Variants in SFSWAP observed in about 807,000 individuals in gnomAD.
The protein encoded by SFSWAP is splicing factor SWAP, also known as splicing factor, suppressor of white-apricot homolog.
Under a neutral mutation model 100.7 loss-of-function variants are expected in SFSWAP, and 17 were observed. The observed-to-expected ratio is 0.17, with a 90% CI of 0.12 to 0.25. The LOEUF is 0.25. SFSWAP is among the 10% of genes least tolerant of loss of function. The pLI is 1.00. For missense variants in SFSWAP, 1,005 were observed against 1,262.6 expected (o/e 0.80, Z 3.09); for synonymous variants, 504 against 510.1 (o/e 0.99, Z 0.16).
rs1013721082 is a variant in SFSWAP, at chr12:131,734,365, A to T, written c.1081+5937A>T. On this transcript the variant is annotated intron_variant, in intron 7 of 17. Transcript: ENST00000261674. This position sits in a 1 kb window ranked among gnomAD's most constrained non-coding sequence, Gnocchi z 4.9. ...GCTAACCATGATCTTACCCAAGAGG[A>T]CTTAAAATGAATGTGCAGGAGAAAT... Among the ~76,000 whole-genome samples the T allele has an allele frequency of 5.9e-5, 9 of 152,364 alleles. No individual in the cohort carries two copies. The East Asian group carries it at 1.5e-3, about 26-fold the overall frequency.
rs147985401 is a variant in SFSWAP at position 131,799,015 on chromosome 12, GCTCT to G, written c.2718-11_2718-8del. 23 of 1,493,732 alleles carry G rather than the reference GCTCT, an allele frequency of 1.5e-5. No individual in the cohort carries two copies. Among genetic ancestry groups the G allele is most frequent in the African/African-American group, 6.9e-5 (5 of 72,354 alleles). 92.5% of individuals were successfully genotyped at this position (1,493,732 alleles called of 1,614,324 possible). A position where few individuals can be genotyped will look rare whatever the true frequency, so the allele number is the denominator to read the frequency against. The stretch of plus-strand genomic sequence containing the variant: ...GCATCTTCACACGGTTGTAAGCTCT[GCTCT>G]CTCTCTCTCTGCATTAGGGGAGTCT... On this transcript the variant is annotated intron_variant, in intron 16 of 17. Coordinates refer to ENST00000261674, the MANE Select transcript of SFSWAP (RefSeq NM_004592.4).
At chr12:131,785,352 G>A in intron 14 of SFSWAP, 1 of 818,442 alleles carries the variant, frequency 1.2e-6, no homozygotes. Flanking sequence ...GCCGGGGTCT[G>A]AGTGATCCCG....
At chr12:131,798,406 G>T (rs61943867) in intron 16 of SFSWAP, among the ~76,000 whole-genome samples, 1 of 152,128 alleles carries the variant, frequency 6.6e-6, no homozygotes. Flanking sequence ...TGCACAGGCC[G>T]AGGGCACCTA....
At chr12:131,729,534 A>G (rs914592282) in intron 7 of SFSWAP, among the ~76,000 whole-genome samples, 1 of 152,258 alleles carries the variant, frequency 6.6e-6, no homozygotes, top group Non-Finnish European at 1.5e-5. Flanking sequence ...GGCTTACAGC[A>G]TAAGTTAACA....
chr12:131,718,509 G>C (rs745349936), intron 3 of SFSWAP, among the ~76,000 whole-genome samples: 1 of 152,284 alleles, frequency 6.6e-6, no homozygotes, highest in Non-Finnish European at 1.5e-5. Context: ...TGTGTAGTAC[G>C]TTGTCTACCA....
In SFSWAP at chr12:131,711,378, G is replaced by C. The variant is rs1298451609; in HGVS notation, c.149G>C (p.Arg50Pro). ...YACKLFRDDE[R>P]ALAQEQGQHL... The stretch of plus-strand genomic sequence containing the variant: ...TGCAAGCTGTTCCGGGACGACGAGC[G>C]GGCCCTGGCTCAGGAACAGGGACAG... The change falls in exon 1 of 18, where the codon CGG (arginine) becomes CCG (proline). Residue 50 changes from arginine to proline, a missense_variant. Arg to Pro is a moderately radical substitution (Grantham distance 103, BLOSUM62 -2). Around this residue, in one of 7 missense-constraint regions of SFSWAP, gnomAD observed 237 missense variants for 337.0 expected, o/e 0.70. Transcript: ENST00000261674. The surrounding 1 kb of genome is among the most constrained non-coding windows in gnomAD (Gnocchi z 4.9). 8 of 1,613,860 alleles carry C rather than the reference G, an allele frequency of 5.0e-6. No homozygotes were observed. The highest frequency in any genetic ancestry group is 5.9e-6 in the Non-Finnish European group (7 of 1,180,044).
At chr12:131,782,449 T>C (rs1306106677) in intron 14 of SFSWAP, among the ~76,000 whole-genome samples, 1 of 152,212 alleles carries the variant, frequency 6.6e-6, no homozygotes, top group Non-Finnish European at 1.5e-5. Context: ...AATGCTGTTG[T>C]TATCAGATAG....
At chr12:131,721,127 A>G (rs1025131324) in intron 4 of SFSWAP, among the ~76,000 whole-genome samples, 3 of 152,178 alleles carry the variant, frequency 2.0e-5, no homozygotes, top group Non-Finnish European at 4.4e-5. Flanking sequence ...ACGACAGCTC[A>G]TTCACTGTCT....
In SFSWAP at chr12:131,711,450, C is replaced by T. The variant is rs368847452; in HGVS notation, c.218+3C>T. Reference sequence around the variant, plus strand: ...GACCACAAGATCCTCATCGACAGGTCGGTTCCTCTCCCCACCCGTCGATCC... The same window carrying T: ...GACCACAAGATCCTCATCGACAGGTTGGTTCCTCTCCCCACCCGTCGATCC... On this transcript the variant is annotated splice_donor_region_variant and intron_variant, in intron 1 of 17. Coordinates refer to ENST00000261674, the MANE Select transcript of SFSWAP (RefSeq NM_004592.4). This position sits in a 1 kb window ranked among gnomAD's most constrained non-coding sequence, Gnocchi z 4.9. 1 of 1,609,090 alleles carries T rather than the reference C, an allele frequency of 6.2e-7. No homozygotes were observed. Among genetic ancestry groups the T allele is most frequent in the African/African-American group, 1.3e-5 (1 of 74,884 alleles).
chr12:131,787,665 C>G (rs1884987731), intron 15 of SFSWAP, among the ~76,000 whole-genome samples: 2 of 152,226 alleles, frequency 1.3e-5, no homozygotes, highest in East Asian at 1.9e-4. Context: ...AGAGGACGAG[C>G]CTTACATTGC....
At chr12:131,783,973 C>G (rs895133766) in intron 14 of SFSWAP, 4 of 151,504 alleles carry the variant, frequency 2.6e-5, no homozygotes, top group African/African-American at 9.7e-5. Context: ...TGGCTCCTCA[C>G]TGCCCTTTTT....
intron 8 of SFSWAP, among the ~76,000 whole-genome samples, chr12:131,753,957 G>A (rs562040716): frequency 6.6e-5 from 10 of 152,172 alleles, no homozygotes; most frequent in Non-Finnish European, 1.2e-4. Context: ...AATGAAACAC[G>A]CGAGTTTCTG....
chr12:131,792,158 G>T (rs1885288200), intron 15 of SFSWAP, among the ~76,000 whole-genome samples: 1 of 150,324 alleles, frequency 6.7e-6, no homozygotes, highest in Admixed American at 6.6e-5. Flanking sequence ...TCGTTACTGT[G>T]TGTGCACCCG....
intron 15 of SFSWAP, among the ~76,000 whole-genome samples, chr12:131,793,121 CTG>C (rs957608449): frequency 6.6e-6 from 1 of 151,982 alleles, no homozygotes; most frequent in African/African-American, 2.4e-5. Flanking sequence ...GGGTCTCACT[CTG>C]TTGCCCAAGC....
At chr12:131,742,711 A>AGTG (rs1466458803) in intron 7 of SFSWAP, among the ~76,000 whole-genome samples, 12 of 152,104 alleles carry the variant, frequency 7.9e-5, no homozygotes, top group African/African-American at 2.9e-4. Context: ...CTGCATGTTA[A>AGTG]GTGATTTTAT....
chr12:131,756,412 C>CT (rs1566031981), intron 10 of SFSWAP, 61 bp from the exon 11 acceptor site: 2 of 1,513,090 alleles, frequency 1.3e-6, no homozygotes, highest in East Asian at 2.3e-5. Flanking sequence ...ATACATCTCT[C>CT]TTTTTTTAAA....
chr12:131,727,717 G>A (rs1025107569), intron 6 of SFSWAP, among the ~76,000 whole-genome samples: 3 of 152,132 alleles, frequency 2.0e-5, no homozygotes, highest in Non-Finnish European at 4.4e-5. Flanking sequence ...ATGCATCTTC[G>A]AGTCCTATGT....
chr12:131,735,229 C>G (rs967901224), intron 7 of SFSWAP, among the ~76,000 whole-genome samples: 1 of 152,196 alleles, frequency 6.6e-6, no homozygotes, highest in African/African-American at 2.4e-5. Flanking sequence ...ATGGGCTGTG[C>G]ATCATCCCTA....
intron 16 of SFSWAP, among the ~76,000 whole-genome samples, chr12:131,798,776 G>A (rs1313268963): frequency 6.6e-6 from 1 of 152,100 alleles, no homozygotes; most frequent in Non-Finnish European, 1.5e-5. Context: ...TGCAATCCCA[G>A]CTACTCAGGA....
Sources: gnomAD v4.1 joint callset for allele counts (sites outside exome capture counted in the v4.1 genomes callset) on GRCh38, gnomAD v4.1.1 for gene constraint, gnomAD v4.1.1 regional missense constraint, Gnocchi (gnomAD v3.1) non-coding constraint, MANE v1.5 for transcripts, NCBI Gene and HGNC (gene_info 2026-07-23, HGNC 2026-07-21) for gene names.